AHSA1: variants seen among roughly 807,000 people sequenced by gnomAD.
AHSA1 encodes activator of HSP90 ATPase activity 1.
In AHSA1, 14 loss-of-function variants were observed where a neutral mutation model predicts 46.1. That is an observed-to-expected ratio of 0.30 (90% CI 0.20 to 0.47). The LOEUF is 0.47. Among genes scored for constraint, AHSA1 ranks in the 20% least tolerant of loss-of-function variants. AHSA1 has a pLI of 0.99. For synonymous variants in AHSA1, 147 were observed against 145.8 expected (o/e 1.01, Z -0.06); for missense variants, 333 against 415.9 (o/e 0.80, Z 1.73).
At chr14:77,467,963 G>A in intron 6 of AHSA1, 120 bp from the exon 7 acceptor site, 1 of 682,770 alleles carries the variant, frequency 1.5e-6, no homozygotes, top group East Asian at 2.8e-5. Context: ...CGCCTGTGGG[G>A]CAGACTGGTG....
intron 6 of AHSA1, among the ~76,000 whole-genome samples, 177 bp from the exon 7 acceptor site, chr14:77,467,906 T>C (rs2079054401): frequency 6.6e-6 from 1 of 152,136 alleles, no homozygotes; most frequent in African/African-American, 2.4e-5. Context: ...ATTCCCGAAG[T>C]CAAGTCCTGG....
intron 8 of AHSA1, 91 bp downstream of exon 8, chr14:77,468,599 GTCAC>G: frequency 8.5e-7 from 1 of 1,171,346 alleles, no homozygotes; most frequent in Non-Finnish European, 1.2e-6. Context: ...GGGTCTCACT[GTCAC>G]TCAGGCTAGA....
At chr14:77,462,267 C>T (rs767291735) in intron 3 of AHSA1, 25 bp downstream of exon 3, 28 of 1,588,618 alleles carry the variant, frequency 1.8e-5, no homozygotes, top group Admixed American at 8.3e-5. Context: ...ACTCCTAATC[C>T]GAGTCCTCTA....
In AHSA1 at chr14:77,462,646, G is replaced by T. The variant is rs1414857660; in HGVS notation, c.359G>T (p.Ser120Ile). The change falls in exon 4 of 9, where the codon AGT becomes ATT. Residue 120 changes from serine to isoleucine, a missense_variant. Transcript: ENST00000216479. ...DENSVDEVEI[S>I]VSLAKDEPDT... ...TACTTCTCATCTTTCACCCAGATTA[G>T]TGTGAGCCTTGCCAAAGATGAGCCT... The T allele has an allele frequency of 6.2e-7, 1 of 1,614,146 alleles. No homozygotes were observed. The highest frequency in any genetic ancestry group is 8.5e-7 in the Non-Finnish European group (1 of 1,179,974).
chr14:77,462,943 T>C (rs886342826), intron 4 of AHSA1, 184 bp downstream of exon 4: 5 of 538,346 alleles, frequency 9.3e-6, no homozygotes, highest in Non-Finnish European at 1.7e-5. Context: ...TGTTGCCTAA[T>C]AATGATGGTT....
At chr14:77,462,813 C>T in intron 4 of AHSA1, 54 bp downstream of exon 4, 1 of 1,495,404 alleles carries the variant, frequency 6.7e-7, no homozygotes, top group Non-Finnish European at 9.3e-7. Context: ...ACCTGTTAGA[C>T]TCTGGTTAAG....
At position 77,468,103 on chromosome 14, in the gene AHSA1, T is replaced by C; in HGVS notation, c.711T>C (p.His237=). ...TGCAGCTGGTGCAGGCCTTTACCCA[T>C]GCTCCTGCAACATTAGAAGCAGACA... is the stretch of plus-strand genomic sequence containing the variant. The part of the protein sequence containing the change: ...TTQELVQAFT[H]APATLEADRG... Residue 237 remains histidine (H), a synonymous_variant, in exon 7 of 9, where the codon CAT becomes CAC. Coordinates refer to ENST00000216479, the MANE Select transcript of AHSA1 (RefSeq NM_012111.3). The C allele has an allele frequency of 7.7e-7, 1 of 1,295,840 alleles. No homozygotes were observed. The highest frequency in any genetic ancestry group is 1.1e-6 in the Non-Finnish European group (1 of 932,380). The allele number at this position is 1,295,840 out of a possible 1,614,324, so 80.3% of individuals were successfully genotyped here.
At chr14:77,462,430 C>A (rs1166899135) in intron 3 of AHSA1, 188 bp downstream of exon 3, 3 of 719,366 alleles carry the variant, frequency 4.2e-6, no homozygotes, top group African/African-American at 1.8e-5. Flanking sequence ...TCTTTAATTT[C>A]TTCACTTTAG....
At chr14:77,459,929 G>T in intron 2 of AHSA1, 123 bp downstream of exon 2, 1 of 1,075,894 alleles carries the variant, frequency 9.3e-7, no homozygotes, top group African/African-American at 1.6e-5. Context: ...TGCTGCTTTG[G>T]AGTCCTATGT....
rs761841845 is a variant in AHSA1 at position 77,462,266 on chromosome 14, C to A, written c.354+24C>A. Reference sequence around the variant, plus strand: ...AGGTTTGTGCTTCATAACTCCTAATCCGAGTCCTCTATATCCTCTTATTCT... The same window carrying A: ...AGGTTTGTGCTTCATAACTCCTAATACGAGTCCTCTATATCCTCTTATTCT... On this transcript the variant is annotated intron_variant, in intron 3 of 8. Coordinates refer to ENST00000216479, the MANE Select transcript of AHSA1 (RefSeq NM_012111.3). 3.1e-6 allele frequency: 5 copies of A among 1,590,872 alleles called. No homozygotes were observed. The South Asian group carries it at 5.5e-5, about 18-fold the overall frequency.
In AHSA1 at chr14:77,469,057, G is replaced by A. The variant is rs747325986; in HGVS notation, c.845-20G>A. On this transcript the variant is annotated intron_variant, in intron 8 of 8. Coordinates refer to ENST00000216479, the MANE Select transcript of AHSA1 (RefSeq NM_012111.3). Reference sequence around the variant, plus strand: ...ATGGAAACCTAGATATGAAACCTCCGTCCCCTCTGCCTTTCCCAGGACACT... The same window carrying A: ...ATGGAAACCTAGATATGAAACCTCCATCCCCTCTGCCTTTCCCAGGACACT... 25 of 1,612,334 alleles carry A rather than the reference G, an allele frequency of 1.6e-5. No homozygotes were observed. In the Admixed American group the frequency reaches 1.7e-4, roughly 11 times the overall value.
chr14:77,462,131 G>C, intron 2 of AHSA1, 29 bp from the exon 3 acceptor site: 2 of 1,547,264 alleles, frequency 1.3e-6, no homozygotes, highest in East Asian at 4.5e-5. Context: ...CCAAGGAGTG[G>C]ACTAATGACA....
intron 3 of AHSA1, 77 bp from the exon 4 acceptor site, chr14:77,462,565 T>A (rs2079030387): frequency 7.5e-7 from 1 of 1,327,356 alleles, no homozygotes. Context: ...AGCAGTCACC[T>A]GATTGCTCAG....
At chr14:77,463,615 A>AT (rs1183361512) in intron 4 of AHSA1, among the ~76,000 whole-genome samples, 1 of 150,994 alleles carries the variant, frequency 6.6e-6, no homozygotes, top group Non-Finnish European at 1.5e-5. Context: ...AAAAAACTGT[A>AT]TTTGAGGCTC....
chr14:77,465,203 G>A (rs766894766), intron 5 of AHSA1, among the ~76,000 whole-genome samples: 2 of 152,212 alleles, frequency 1.3e-5, no homozygotes, highest in African/African-American at 2.4e-5. Context: ...TACTCTGGAA[G>A]TGGGGAGAAA....
Position 77,460,008 on chromosome 14 carries a change from C to T in AHSA1, c.271+202C>T. 3 of 610,202 alleles carry T rather than the reference C, an allele frequency of 4.9e-6. No homozygotes were observed. The Admixed American group carries it at 8.7e-5, about 18-fold the overall frequency. 37.8% of individuals were successfully genotyped at this position (610,202 alleles called of 1,614,324 possible). A position where few individuals can be genotyped will look rare whatever the true frequency, so the allele number is the denominator to read the frequency against. On this transcript the variant is annotated intron_variant, in intron 2 of 8. Transcript: ENST00000216479. The stretch of plus-strand genomic sequence containing the variant: ...CTAAATGGATTTCCTGTGTCTGGGT[C>T]TCATAAGTCCCATCCATGAAGTGGC...
At chr14:77,458,549 C>G (rs1335501623) in intron 1 of AHSA1, among the ~76,000 whole-genome samples, 3 of 152,236 alleles carry the variant, frequency 2.0e-5, no homozygotes, top group South Asian at 2.1e-4. Context: ...GCATCCAGCC[C>G]GAGCAGGGAG....
chr14:77,468,465 G>C lies in AHSA1; in HGVS notation c.801G>C (p.Glu267Asp). Reference protein sequence around the residue: ...VSGEFTDLVPEKHIVMKWRFK... With the variant: ...VSGEFTDLVPDKHIVMKWRFK... ...CTGTTTGATTATTTTAGGTCCCTGA[G>C]AAACATATTGTGATGAAGTGGAGGT... is the stretch of plus-strand genomic sequence containing the variant. The change falls in exon 8 of 9, where the codon GAG becomes GAC. Residue 267 changes from glutamate (E) to aspartate (D), a missense_variant. By Grantham distance (45) the Glu-to-Asp change is conservative (BLOSUM62 2). Transcript: ENST00000216479. 6.2e-7 allele frequency: 1 copy of C among 1,613,134 alleles called. No individual in the cohort carries two copies.
At chr14:77,468,789 C>T in intron 8 of AHSA1, 1 of 568,600 alleles carries the variant, frequency 1.8e-6, no homozygotes. Flanking sequence ...ACTACATTGT[C>T]CAGGCTAGTC....
Sources: gnomAD v4.1 joint callset for allele counts (sites outside exome capture counted in the v4.1 genomes callset) on GRCh38, gnomAD v4.1.1 for gene constraint, MANE v1.5 for transcripts, NCBI Gene and HGNC (gene_info 2026-07-23, HGNC 2026-07-21) for gene names.